The following C9orf85 variants were observed in gnomAD, a reference collection of about 807,000 sequenced individuals.
C9orf85 encodes the protein uncharacterized protein C9orf85.
Under a neutral mutation model 14.9 loss-of-function variants are expected in C9orf85, and 16 were observed. That is an observed-to-expected ratio of 1.08 (90% CI 0.73 to 1.63). The LOEUF is 1.63. Ranked by LOEUF, C9orf85 falls within the 40% of genes most tolerant of loss-of-function variation. The pLI is 0.00. For missense variants in C9orf85, 172 were observed against 186.1 expected (o/e 0.92, Z 0.44); for synonymous variants, 45 against 56.8 (o/e 0.79, Z 0.93).
chr9:71,934,557 C>A (rs192419591), intron 1 of C9orf85, among the ~76,000 whole-genome samples: 1 of 152,140 alleles, frequency 6.6e-6, no homozygotes, highest in African/African-American at 2.4e-5. Context: ...AAATCATATA[C>A]CTGATAAGGG....
chr9:71,976,948 T>G (rs1475989397), downstream of C9orf85, among the ~76,000 whole-genome samples: 3 of 152,132 alleles, frequency 2.0e-5, no homozygotes, highest in Non-Finnish European at 4.4e-5. Flanking sequence ...CTTACCTCAC[T>G]GACAAGAAGA....
chr9:71,951,519 T>C (rs1822245625), intron 2 of C9orf85, among the ~76,000 whole-genome samples: 1 of 152,140 alleles, frequency 6.6e-6, no homozygotes, highest in East Asian at 1.9e-4. Flanking sequence ...CTCCTACCCA[T>C]TTCTTAAGGC....
rs996747391 is a variant in C9orf85 at position 71,968,352 on chromosome 9, G to A, written c.210-3153G>A. ...TGTTTTTCTGGAAGGATTTGTATAT[G>A]ATCAGTATTATTTCTTAAATATTTG... is the stretch of plus-strand genomic sequence containing the variant. On this transcript the variant is annotated intron_variant, in intron 2 of 3. Coordinates refer to ENST00000334731, the MANE Select transcript of C9orf85 (RefSeq NM_182505.5). Among the ~76,000 whole-genome samples the A allele has an allele frequency of 3.3e-5, 5 of 150,086 alleles. No individual in the cohort carries two copies. In the South Asian group the frequency reaches 1.0e-3, roughly 31 times the overall value.
At chr9:71,971,774 C>T (rs888974476) in intron 3 of C9orf85, among the ~76,000 whole-genome samples, 156 bp downstream of exon 3, 1 of 151,948 alleles carries the variant, frequency 6.6e-6, no homozygotes, top group African/African-American at 2.4e-5. Context: ...GAGTTCAAGA[C>T]CAGACTGGCC....
intron 2 of C9orf85, among the ~76,000 whole-genome samples, chr9:71,966,277 T>C (rs1468642538): frequency 6.6e-6 from 1 of 152,224 alleles, no homozygotes; most frequent in Non-Finnish European, 1.5e-5. Flanking sequence ...GAATCATTCA[T>C]TGCTCAATTA....
At chr9:71,971,888 C>T (rs568106877) in intron 3 of C9orf85, among the ~76,000 whole-genome samples, 4 of 150,574 alleles carry the variant, frequency 2.7e-5, no homozygotes. Flanking sequence ...GCAGGAGAAT[C>T]GCTTGAACTT....
chr9:71,936,498 T>G (rs1828195615), intron 1 of C9orf85, among the ~76,000 whole-genome samples: 1 of 151,954 alleles, frequency 6.6e-6, no homozygotes, highest in Non-Finnish European at 1.5e-5. Context: ...CTAGATAAAG[T>G]GATTGGCATT....
intron 1 of C9orf85, among the ~76,000 whole-genome samples, chr9:71,928,763 A>C (rs972130243): frequency 6.6e-6 from 1 of 152,204 alleles, no homozygotes; most frequent in African/African-American, 2.4e-5. Context: ...GAATTATAGG[A>C]CAAATTCAGA....
At position 71,971,556 on chromosome 9, in the gene C9orf85, GC is replaced by G; in HGVS notation, c.263del (p.Pro88HisfsTer22). 1 of 1,611,990 alleles carries G rather than the reference GC, an allele frequency of 6.2e-7. No homozygotes were observed. The highest frequency in any genetic ancestry group is 8.5e-7 in the Non-Finnish European group (1 of 1,179,108). On this transcript the variant is annotated frameshift_variant, in exon 3 of 4. Transcript: ENST00000334731. LOFTEE classifies it high-confidence loss of function. The stretch of plus-strand genomic sequence containing the variant: ...AGGATTCTTATCACATAATGTGCAG[GC>G]CATGTGCCTGTGAACTTGAAGTTTG... ...VKDSYHIMCRPCACELEVCAK... is the reference protein window; with the variant it reads ...VKDSYHIMCRXCACELEVCAK...
At chr9:71,923,045 G>T (rs971868754) in intron 1 of C9orf85, among the ~76,000 whole-genome samples, 10 of 152,190 alleles carry the variant, frequency 6.6e-5, no homozygotes, top group Admixed American at 5.2e-4. Context: ...TGGGAGAATT[G>T]CATGAACCCA....
At chr9:71,942,807 G>A (rs1037822200) in intron 1 of C9orf85, among the ~76,000 whole-genome samples, 1 of 151,818 alleles carries the variant, frequency 6.6e-6, no homozygotes, top group African/African-American at 2.4e-5. Context: ...GGAGCCTGAG[G>A]TAGGAGAATC....
At chr9:71,975,889 A>G (rs150567461), downstream of C9orf85, among the ~76,000 whole-genome samples, 30 of 152,266 alleles carry the variant, frequency 2.0e-4, no homozygotes, top group African/African-American at 7.0e-4. Context: ...TTGCATATAA[A>G]CTTCTTTTCT....
chr9:71,975,095 A>C (rs1822976901), downstream of C9orf85, among the ~76,000 whole-genome samples: 2 of 152,228 alleles, frequency 1.3e-5, no homozygotes, highest in South Asian at 4.1e-4. Flanking sequence ...TTACCTGGGA[A>C]TACATCAAAA....
At chr9:71,936,916 G>A (rs890522405) in intron 1 of C9orf85, among the ~76,000 whole-genome samples, 1 of 151,792 alleles carries the variant, frequency 6.6e-6, no homozygotes, top group African/African-American at 2.4e-5. Flanking sequence ...GCACCACCTT[G>A]CCTGGCTAAT....
In C9orf85 at chr9:71,972,849, T is replaced by A; in HGVS notation, c.*7T>A. The A allele has an allele frequency of 2.5e-6, 4 of 1,602,138 alleles. No individual in the cohort carries two copies. In the South Asian group the frequency reaches 4.5e-5, roughly 18 times the overall value. The stretch of plus-strand genomic sequence containing the variant: ...AGACCATCAAATGAATTAATATCAC[T>A]GTATTAAAAGTCTGCCGGGCACAGT... On this transcript the variant is annotated 3_prime_UTR_variant, in exon 4 of 4. Transcript: ENST00000334731.
intron 2 of C9orf85, among the ~76,000 whole-genome samples, chr9:71,956,438 G>A (rs1372510531): frequency 5.3e-5 from 8 of 151,738 alleles, no homozygotes; most frequent in Admixed American, 3.9e-4. Flanking sequence ...TAGTAGAGAC[G>A]GGGTTTCTTC....
chr9:71,943,055 T>C (rs1456902002), intron 1 of C9orf85, among the ~76,000 whole-genome samples: 1 of 152,186 alleles, frequency 6.6e-6, no homozygotes, highest in East Asian at 1.9e-4. Context: ...TCAAAGTACC[T>C]ACTTTTAAAT....
intron 2 of C9orf85, among the ~76,000 whole-genome samples, chr9:71,951,095 T>A (rs1822234035): frequency 6.6e-6 from 1 of 152,206 alleles, no homozygotes; most frequent in Admixed American, 6.5e-5. Flanking sequence ...GAATATTGCA[T>A]GTTTCTCTTT....
exon 4 of C9orf85, chr9:71,983,227 CT>C (rs1371212262): frequency 1.3e-5 from 2 of 152,408 alleles, no homozygotes; most frequent in Non-Finnish European, 2.9e-5. Context: ...ATCTACTGAC[CT>C]TGTGATCCGC....
Sources: allele counts gnomAD v4.1 joint callset (sites outside exome capture counted in the v4.1 genomes callset), GRCh38; gene constraint gnomAD v4.1.1; transcripts MANE v1.5; gene names NCBI Gene and HGNC (gene_info 2026-07-23, HGNC 2026-07-21).